RANBP2: variants seen among roughly 807,000 people sequenced by gnomAD.
The protein encoded by RANBP2 is RAN binding protein 2.
RANBP2 carries 57 observed loss-of-function variants against 303.6 expected under a neutral mutation model. That is an observed-to-expected ratio of 0.19 (90% CI 0.15 to 0.23). RANBP2 has a LOEUF of 0.23. RANBP2 is among the 10% of genes least tolerant of loss of function. RANBP2 has a pLI of 1.00. For synonymous variants in RANBP2, 1,167 were observed against 1,301.5 expected (o/e 0.90, Z 2.23); for missense variants, 3,138 against 3,780.8 (o/e 0.83, Z 4.46).
At chr2:109,511,424 C>G in the RANBP2 span, among the ~76,000 whole-genome samples, 3 of 152,214 alleles carry the variant, frequency 2.0e-5, no homozygotes, top group Non-Finnish European at 4.4e-5. Context: ...AAAGTTCTCC[C>G]GCAATCCAGT....
the RANBP2 span, among the ~76,000 whole-genome samples, chr2:109,692,864 G>C: frequency 7.2e-4 from 108 of 149,940 alleles, no homozygotes; most frequent in Non-Finnish European, 1.5e-4. Flanking sequence ...TGTCCCCCAG[G>C]CTGGAGTGCA....
At chr2:108,913,777 C>T in the RANBP2 span, among the ~76,000 whole-genome samples, 245 of 151,960 alleles carry the variant, frequency 1.6e-3, no homozygotes, top group Admixed American at 5.4e-3. Flanking sequence ...AGGGAAACCC[C>T]GTCTCTACTA....
chr2:109,283,783 C>T, the RANBP2 span, among the ~76,000 whole-genome samples: 1 of 152,228 alleles, frequency 6.6e-6, no homozygotes, highest in Admixed American at 6.5e-5. Flanking sequence ...ACTTGGCTCT[C>T]TGCCTGGCTC....
the RANBP2 span, among the ~76,000 whole-genome samples, chr2:109,598,879 C>CA: frequency 2.1e-4 from 30 of 144,424 alleles, no homozygotes; most frequent in African/African-American, 3.4e-4. Flanking sequence ...GACTAGGTCT[C>CA]AAAAAAAAAT....
chr2:109,097,447 C>CAA, the RANBP2 span, among the ~76,000 whole-genome samples: 1 of 145,344 alleles, frequency 6.9e-6, no homozygotes, highest in Non-Finnish European at 1.5e-5. Context: ...CAAAGAAGAC[C>CAA]AAAAAAAAAA....
intron 2 of RANBP2, 78 bp downstream of exon 2, chr2:108,729,277 A>C: frequency 7.0e-7 from 1 of 1,428,356 alleles, no homozygotes; most frequent in East Asian, 2.4e-5. Context: ...ATAGGTAAAA[A>C]TATGTTCTTA....
chr2:109,656,868 C>A, the RANBP2 span, among the ~76,000 whole-genome samples: 3 of 152,144 alleles, frequency 2.0e-5, no homozygotes, highest in Admixed American at 2.0e-4. Flanking sequence ...GCACAGTGTA[C>A]TGAGTCTTCT....
At chr2:108,975,019 T>C in the RANBP2 span, among the ~76,000 whole-genome samples, 1 of 152,170 alleles carries the variant, frequency 6.6e-6, no homozygotes, top group Non-Finnish European at 1.5e-5. Context: ...CAGCAAGCAC[T>C]GCCTTTCTAC....
the RANBP2 span, among the ~76,000 whole-genome samples, chr2:109,269,531 A>T: frequency 6.6e-6 from 1 of 152,344 alleles, no homozygotes; most frequent in South Asian, 2.1e-4. Flanking sequence ...CTGTAATCCC[A>T]GCACTTTGGG....
At chr2:109,743,766 C>T in the RANBP2 span, among the ~76,000 whole-genome samples, 2 of 92,590 alleles carry the variant, frequency 2.2e-5, no homozygotes, top group African/African-American at 6.0e-5. Context: ...GTTTTTCAAC[C>T]CTTGCCACCT....
chr2:109,098,959 G>A, the RANBP2 span, among the ~76,000 whole-genome samples: 3 of 152,170 alleles, frequency 2.0e-5, no homozygotes, highest in African/African-American at 7.2e-5. Flanking sequence ...AGAATCATGA[G>A]GTTCATACAT....
chr2:109,174,808 G>T, the RANBP2 span, among the ~76,000 whole-genome samples: 243 of 152,312 alleles, frequency 1.6e-3, no homozygotes, highest in African/African-American at 5.1e-3. Flanking sequence ...ATGAGGGCAG[G>T]GGCTTAGCGT....
the RANBP2 span, among the ~76,000 whole-genome samples, chr2:109,367,156 G>A: frequency 2.1e-5 from 3 of 141,322 alleles, 1 homozygote; most frequent in South Asian, 6.8e-4. Context: ...TAGAGACAGG[G>A]TTTTGCCATG....
the RANBP2 span, among the ~76,000 whole-genome samples, chr2:109,040,166 C>T: frequency 6.6e-6 from 1 of 152,180 alleles, no homozygotes; most frequent in South Asian, 2.1e-4. Context: ...TCACCTCTTT[C>T]CCCATATGGA....
chr2:109,020,664 G>A, the RANBP2 span, among the ~76,000 whole-genome samples: 4 of 152,330 alleles, frequency 2.6e-5, no homozygotes, highest in East Asian at 7.7e-4. Context: ...GACAACACCA[G>A]GAGGTCAGGG....
At chr2:108,721,576 GACCACAGGTGTACCC>G (rs1473374184) in intron 1 of RANBP2, among the ~76,000 whole-genome samples, 2 of 152,038 alleles carry the variant, frequency 1.3e-5, no homozygotes, top group Non-Finnish European at 2.9e-5. Flanking sequence ...GAGTAGTTGG[GACCACAGGTGTACCC>G]ACCACACCCG....
At chr2:108,978,682 C>T in the RANBP2 span, among the ~76,000 whole-genome samples, 1 of 152,222 alleles carries the variant, frequency 6.6e-6, no homozygotes, top group Middle Eastern at 3.4e-3. Flanking sequence ...GAAGTTTGGT[C>T]AGAGGAAACA....
At chr2:109,646,435 A>AG in the RANBP2 span, among the ~76,000 whole-genome samples, 19 of 152,168 alleles carry the variant, frequency 1.2e-4, no homozygotes, top group Non-Finnish European at 2.6e-4. Flanking sequence ...CTGGAGCCTG[A>AG]GGCAAAAGGA....
chr2:109,220,881 CAG>C, the RANBP2 span, among the ~76,000 whole-genome samples: 2 of 152,210 alleles, frequency 1.3e-5, no homozygotes, highest in Non-Finnish European at 2.9e-5. Context: ...AATTTGAACA[CAG>C]AATTAACTAT....
Sources: allele counts gnomAD v4.1 joint callset (sites outside exome capture counted in the v4.1 genomes callset), GRCh38; gene constraint gnomAD v4.1.1; transcripts MANE v1.5; gene names NCBI Gene and HGNC (gene_info 2026-07-23, HGNC 2026-07-21).